Variants in UGT1A6 observed in about 807,000 individuals in gnomAD.
UGT1A6 encodes the protein UDP glucuronosyltransferase family 1 member A6, also known as UDP-glucuronosyltransferase 1A6.
A neutral mutation model predicts 44.4 loss-of-function variants in UGT1A6; 32 were observed. That is an observed-to-expected ratio of 0.72 (90% confidence interval 0.54 to 0.97). The LOEUF (loss-of-function observed/expected upper bound fraction) is 0.97. Ranked by LOEUF, UGT1A6 falls within the 50% of genes least tolerant of loss-of-function variation. UGT1A6 has a pLI of 0.00. For synonymous variants in UGT1A6, 238 were observed against 248.5 expected (o/e 0.96, Z 0.40); for missense variants, 685 against 661.9 (o/e 1.03, Z -0.38).
chr2:233,733,391 T>C lies in UGT1A6; in HGVS notation c.862-33643T>C, dbSNP rs547725287. Among the ~76,000 whole-genome samples the C allele has an allele frequency of 1.8e-4, 27 of 152,316 alleles. No homozygotes were observed. In the South Asian group the frequency reaches 5.6e-3, roughly 32 times the overall value. On this transcript the variant is annotated intron_variant, in intron 1 of 4. Coordinates refer to ENST00000305139, the MANE Select transcript of UGT1A6 (RefSeq NM_001072.4). Reference sequence around the variant, plus strand: ...AGGTCATCCTTGTTTTGTGCCAGTTTTCAAAGGGAATGCTTCCAGTTTTCG... The same window carrying C: ...AGGTCATCCTTGTTTTGTGCCAGTTCTCAAAGGGAATGCTTCCAGTTTTCG...
intron 1 of UGT1A6, among the ~76,000 whole-genome samples, chr2:233,735,187 T>C (rs1397498111): frequency 6.8e-6 from 1 of 147,662 alleles, no homozygotes; most frequent in African/African-American, 2.5e-5. Flanking sequence ...GCTTTATGAA[T>C]CTAGGTGCTC....
At chr2:233,752,691 A>G (rs1290582885) in intron 1 of UGT1A6, 2 of 152,214 alleles carry the variant, frequency 1.3e-5, no homozygotes, top group Non-Finnish European at 2.9e-5. Context: ...ATTCATGTTT[A>G]CTAGTGGGGT....
At chr2:233,767,361 T>C (rs990880937) in intron 2 of UGT1A6, among the ~76,000 whole-genome samples, 196 bp downstream of exon 2, 19 of 152,222 alleles carry the variant, frequency 1.2e-4, no homozygotes, top group African/African-American at 3.6e-4. Flanking sequence ...TCAAATACTC[T>C]ATTAAACTAT....
intron 1 of UGT1A6, among the ~76,000 whole-genome samples, chr2:233,694,882 G>T (rs2075245921): frequency 6.6e-6 from 1 of 152,096 alleles, no homozygotes; most frequent in Admixed American, 6.5e-5. Context: ...CACATTTGGG[G>T]GGTTCATGTG....
At chr2:233,745,293 G>A (rs759714451) in intron 1 of UGT1A6, among the ~76,000 whole-genome samples, 20 of 151,866 alleles carry the variant, frequency 1.3e-4, no homozygotes, top group African/African-American at 4.4e-4. Flanking sequence ...GGGGATAAAC[G>A]TGGGATGCAG....
chr2:233,747,416 C>T, intron 1 of UGT1A6: 4 of 1,607,550 alleles, frequency 2.5e-6, no homozygotes, highest in Non-Finnish European at 3.4e-6. Context: ...TGAATATGCA[C>T]ATCAAACAAG....
intron 1 of UGT1A6, among the ~76,000 whole-genome samples, chr2:233,724,292 C>A (rs1379070155): frequency 7.8e-6 from 1 of 129,018 alleles, no homozygotes; most frequent in East Asian, 2.7e-4. Context: ...GGGGGGCTGA[C>A]CCCCCCACCT....
chr2:233,728,352 A>G (rs1195036531), intron 1 of UGT1A6, among the ~76,000 whole-genome samples: 1 of 152,154 alleles, frequency 6.6e-6, no homozygotes, highest in Non-Finnish European at 1.5e-5. Context: ...GGTGAGCAGG[A>G]GCTCCCTGAA....
chr2:233,710,028 T>G (rs1217910588), intron 1 of UGT1A6, among the ~76,000 whole-genome samples: 1 of 152,260 alleles, frequency 6.6e-6, no homozygotes, highest in Non-Finnish European at 1.5e-5. Flanking sequence ...ACAGGTATAC[T>G]GTTTTGTGTC....
rs1177924904 is a variant in UGT1A6 at position 233,693,377 on chromosome 2, A to G, written c.373A>G (p.Asn125Asp). The G allele has an allele frequency of 3.7e-6, 6 of 1,614,142 alleles. No individual in the cohort carries two copies. Among genetic ancestry groups the G allele is most frequent in the Non-Finnish European group, 2.5e-6 (3 of 1,180,026 alleles). Residue 125 changes from asparagine to aspartate, a missense_variant, in exon 1 of 5, where the codon AAC becomes GAC. Transcript: ENST00000305139. ...NMIVIGLYFI[N>D]CQSLLQDRDT... ...GATTGTTATTGGCCTGTACTTCATCAACTGCCAGAGCCTCCTGCAGGACAG... is the reference window on the plus strand; with the variant it reads ...GATTGTTATTGGCCTGTACTTCATCGACTGCCAGAGCCTCCTGCAGGACAG...
At chr2:233,738,412 C>T (rs988923331) in intron 1 of UGT1A6, among the ~76,000 whole-genome samples, 1 of 152,164 alleles carries the variant, frequency 6.6e-6, no homozygotes, top group East Asian at 1.9e-4. Context: ...GGGTAACAGG[C>T]AGAGGCTGGA....
rs1311139649 is a variant in UGT1A6, at chr2:233,745,502, A to G, written c.862-21532A>G. 2.0e-5 allele frequency among the ~76,000 whole-genome samples: 3 copies of G among 151,662 alleles called. 1 individual carries two copies. The highest frequency in any genetic ancestry group is 7.3e-5 in the African/African-American group (3 of 40,986). On this transcript the variant is annotated intron_variant, in intron 1 of 4. Coordinates refer to ENST00000305139, the MANE Select transcript of UGT1A6 (RefSeq NM_001072.4). ...ACCAAAGAACATTCTAAGATTTCCT[A>G]TAGGGTATTAGGTCTAATGGGGATG...
In UGT1A6 at chr2:233,739,453, T is replaced by C. The variant is rs547322370; in HGVS notation, c.862-27581T>C. On this transcript the variant is annotated intron_variant, in intron 1 of 4. Transcript: ENST00000305139. ...GGCTTTACCCTGCAAAGCCACAGGG[T>C]TGGAGCTGCCTGAGACCGTGGGAGC... 3.9e-5 allele frequency among the ~76,000 whole-genome samples: 6 copies of C among 152,290 alleles called. No homozygotes were observed. The East Asian group carries it at 5.8e-4, about 15-fold the overall frequency.
chr2:233,728,673 T>C (rs1429159158), intron 1 of UGT1A6, among the ~76,000 whole-genome samples: 1 of 152,152 alleles, frequency 6.6e-6, no homozygotes, highest in Non-Finnish European at 1.5e-5. Context: ...TACTCATACA[T>C]GAGAAGAAAG....
chr2:233,719,067 C>T (rs769802516), intron 1 of UGT1A6: 180 of 1,614,260 alleles, frequency 1.1e-4, no homozygotes, highest in East Asian at 4.0e-4. Flanking sequence ...CTATGCTGTT[C>T]CATGGACCCA....
At chr2:233,703,519 A>G (rs1315690951) in intron 1 of UGT1A6, among the ~76,000 whole-genome samples, 1 of 151,980 alleles carries the variant, frequency 6.6e-6, no homozygotes, top group Non-Finnish European at 1.5e-5. Context: ...GTGGAGTGAC[A>G]CTTATCATTA....
At chr2:233,757,935 C>T (rs12052787) in intron 1 of UGT1A6, among the ~76,000 whole-genome samples, 10,310 of 152,142 alleles carry the variant, frequency 0.068, 485 homozygotes, top group East Asian at 0.2. Flanking sequence ...CAAAGCAAGA[C>T]CATCATATTG....
chr2:233,753,704 T>C (rs1413802728), intron 1 of UGT1A6: 3 of 152,228 alleles, frequency 2.0e-5, no homozygotes, highest in Non-Finnish European at 4.4e-5. Flanking sequence ...TGCACTTGGC[T>C]TTCATCAACC....
intron 1 of UGT1A6, among the ~76,000 whole-genome samples, chr2:233,727,549 C>T (rs1232390825): frequency 6.6e-6 from 1 of 152,198 alleles, no homozygotes; most frequent in Non-Finnish European, 1.5e-5. Context: ...CACCCGTCAC[C>T]TGGGCTCATC....
Sources: gnomAD v4.1 joint callset for allele counts (sites outside exome capture counted in the v4.1 genomes callset) on GRCh38, gnomAD v4.1.1 for gene constraint, MANE v1.5 for transcripts, NCBI Gene and HGNC (gene_info 2026-07-23, HGNC 2026-07-21) for gene names.